AKR1C3: variants seen among roughly 807,000 people sequenced by gnomAD.
AKR1C3 encodes the protein aldo-keto reductase family 1 member C3.
A neutral mutation model predicts 43.6 loss-of-function variants in AKR1C3; 48 were observed. The ratio of observed to expected loss-of-function variants is 1.10; its 90% CI spans 0.87 to 1.40. The LOEUF is 1.40. AKR1C3 is among the 40% of genes most tolerant of loss of function. The probability of loss-of-function intolerance (pLI) is 0.00; values close to 1 mark genes in which losing one functional copy is unlikely to be tolerated. For synonymous variants in AKR1C3, 162 were observed against 139.6 expected (o/e 1.16, Z -1.13); for missense variants, 482 against 391.2 (o/e 1.23, Z -1.96).
At chr10:5,077,404 A>G (rs1283245477) in intron 1 of AKR1C3, among the ~76,000 whole-genome samples, 1 of 152,110 alleles carries the variant, frequency 6.6e-6, no homozygotes, top group Non-Finnish European at 1.5e-5. Flanking sequence ...ATAGGTTTTC[A>G]TTTCCTTCTG....
chr10:5,076,175 G>C (rs1554781828), intron 1 of AKR1C3, among the ~76,000 whole-genome samples: 1 of 152,126 alleles, frequency 6.6e-6, no homozygotes, highest in Non-Finnish European at 1.5e-5. Context: ...TAGTAGTTGT[G>C]TCCTAGGAAA....
chr10:5,083,457 T>A (rs1489685565), intron 1 of AKR1C3, among the ~76,000 whole-genome samples: 1 of 152,226 alleles, frequency 6.6e-6, no homozygotes, highest in African/African-American at 2.4e-5. Context: ...GGTGCCACAT[T>A]TTCTTAATCC....
Position 5,048,897 on chromosome 10 carries a change from T to C in AKR1C3, c.84+2T>C. Reference sequence around the variant, plus strand: ...TTTGGCACCTATGCACCTCCAGAGGTAATAATAATGTTTTTGGTGCAGAGA... The same window carrying C: ...TTTGGCACCTATGCACCTCCAGAGGCAATAATAATGTTTTTGGTGCAGAGA... On this transcript the variant is annotated splice_donor_variant, in intron 1 of 8. Transcript: ENST00000439082. LOFTEE classifies it high-confidence loss of function. 1.2e-6 allele frequency: 2 copies of C among 1,612,276 alleles called. No homozygotes were observed. Among genetic ancestry groups the C allele is most frequent in the Middle Eastern group, 1.7e-4 (1 of 6,054 alleles).
chr10:5,105,043 T>G (rs587703775), intron 7 of AKR1C3, among the ~76,000 whole-genome samples: 1 of 139,876 alleles, frequency 7.1e-6, no homozygotes, highest in African/African-American at 2.5e-5. Flanking sequence ...CCTCTTGATA[T>G]TTAAAGTCTC....
rs782219293 is a variant in AKR1C3, at chr10:5,097,460, G to T, written c.279G>T (p.Glu93Asp). 6.8e-6 allele frequency: 11 copies of T among 1,613,764 alleles called. No individual in the cohort carries two copies. Among genetic ancestry groups the T allele is most frequent in the Non-Finnish European group, 9.3e-6 (11 of 1,179,782 alleles). Residue 93 changes from glutamate to aspartate, a missense_variant, in exon 3 of 9, where the codon GAG (glutamate) becomes GAT (aspartate). Glu to Asp is a conservative substitution (Grantham distance 45). Coordinates refer to ENST00000380554, the MANE Select transcript of AKR1C3 (RefSeq NM_003739.6). Reference sequence around the variant, plus strand: ...TTTGGTCCACTTTTCATCGACCAGAGTTGGTCCGACCAGCCTTGGAAAACT... The same window carrying T: ...TTTGGTCCACTTTTCATCGACCAGATTTGGTCCGACCAGCCTTGGAAAACT... ...SKLWSTFHRPELVRPALENSL... is the reference protein window; with the variant it reads ...SKLWSTFHRPDLVRPALENSL...
At chr10:5,089,950 G>C (rs1839049806), upstream of AKR1C3, among the ~76,000 whole-genome samples, 1 of 152,158 alleles carries the variant, frequency 6.6e-6, no homozygotes, top group Non-Finnish European at 1.5e-5. Flanking sequence ...TGTGATTGTA[G>C]AGTGTCATGA....
At chr10:5,093,272 C>A (rs1417101652), upstream of AKR1C3, 1 of 152,052 alleles carries the variant, frequency 6.6e-6, no homozygotes, top group African/African-American at 2.4e-5. Flanking sequence ...GTCCATGAGA[C>A]AAGTAGGGGC....
chr10:5,066,607 A>T (rs1250538472), intron 1 of AKR1C3, among the ~76,000 whole-genome samples: 3 of 152,196 alleles, frequency 2.0e-5, no homozygotes, highest in African/African-American at 7.2e-5. Flanking sequence ...TAATACCTAG[A>T]GTTTGGAGTA....
chr10:5,070,208 G>A (rs1169488884), intron 1 of AKR1C3, among the ~76,000 whole-genome samples: 1 of 152,194 alleles, frequency 6.6e-6, no homozygotes, highest in Non-Finnish European at 1.5e-5. Flanking sequence ...GAAAGGAAAG[G>A]AGAGAAATAA....
chr10:5,050,845 C>T (rs1838138574), intron 1 of AKR1C3, among the ~76,000 whole-genome samples: 1 of 152,096 alleles, frequency 6.6e-6, no homozygotes, highest in African/African-American at 2.4e-5. Context: ...AAATATGTTT[C>T]ATAAGGTAGG....
intron 1 of AKR1C3, among the ~76,000 whole-genome samples, chr10:5,068,695 T>C (rs1254440682): frequency 6.6e-6 from 1 of 152,072 alleles, no homozygotes; most frequent in Non-Finnish European, 1.5e-5. Flanking sequence ...CAACTCCCCA[T>C]GGAGAGGGGG....
chr10:5,072,299 C>G (rs1838627390), intron 1 of AKR1C3, among the ~76,000 whole-genome samples: 1 of 152,180 alleles, frequency 6.6e-6, no homozygotes, highest in Non-Finnish European at 1.5e-5. Context: ...CAATTAGAAT[C>G]TTTAAAGCCT....
At chr10:5,095,101 C>G (rs1270097134) in intron 1 of AKR1C3, among the ~76,000 whole-genome samples, 1 of 152,028 alleles carries the variant, frequency 6.6e-6, no homozygotes, top group Non-Finnish European at 1.5e-5. Flanking sequence ...TAAGTAAAAT[C>G]TAGAACCTAA....
intron 7 of AKR1C3, among the ~76,000 whole-genome samples, 183 bp downstream of exon 7, chr10:5,102,833 G>A (rs950330137): frequency 6.6e-6 from 1 of 152,150 alleles, no homozygotes; most frequent in African/African-American, 2.4e-5. Flanking sequence ...CAGGTGCAGA[G>A]AATTAAGATG....
chr10:5,099,362 G>C lies in AKR1C3; in HGVS notation c.483G>C (p.Lys161Asn), dbSNP rs782550556. 9 of 1,614,058 alleles carry C rather than the reference G, an allele frequency of 5.6e-6. No individual in the cohort carries two copies. The highest frequency in any genetic ancestry group is 2.2e-5 in the East Asian group (1 of 44,886). The change falls in exon 5 of 9, where the codon AAG becomes AAC. Residue 161 changes from lysine to asparagine, a missense_variant. Physicochemically the swap from Lys to Asn is moderately conservative, Grantham distance 94. Transcript: ENST00000380554. ...MEKCKDAGLA[K>N]SIGVSNFNRR... ...AGTGTAAGGATGCAGGATTGGCCAAGTCCATTGGGGTGTCAAACTTCAACC... is the reference window on the plus strand; with the variant it reads ...AGTGTAAGGATGCAGGATTGGCCAACTCCATTGGGGTGTCAAACTTCAACC...
In AKR1C3 at chr10:5,094,478, G is replaced by T. The variant is rs782394641; in HGVS notation, c.34G>T (p.Asp12Tyr). Residue 12 changes from aspartate (D) to tyrosine (Y), a missense_variant, in exon 1 of 9, where the codon GAT becomes TAT. By Grantham distance (160) the Asp-to-Tyr change is radical. Transcript: ENST00000380554. ...CAAACACCAGTGTGTAAAGCTAAAT[G>T]ATGGCCACTTCATGCCTGTATTGGG... Reference protein sequence around the residue: ...DSKHQCVKLNDGHFMPVLGFG... With the variant: ...DSKHQCVKLNYGHFMPVLGFG... The T allele has an allele frequency of 2.5e-6, 4 of 1,612,636 alleles. No homozygotes were observed. Among genetic ancestry groups the T allele is most frequent in the African/African-American group, 1.3e-5 (1 of 74,840 alleles).
In AKR1C3 at chr10:5,102,140, G is replaced by T. The variant is rs781996249; in HGVS notation, c.610G>T (p.Asp204Tyr). 6.2e-7 allele frequency: 1 copy of T among 1,614,072 alleles called. No homozygotes were observed. The highest frequency in any genetic ancestry group is 1.1e-5 in the South Asian group (1 of 91,072). The change falls in exon 6 of 9, where the codon GAT (aspartate) becomes TAT (tyrosine). Residue 204 changes from aspartate to tyrosine, a missense_variant. Asp to Tyr is a radical substitution (Grantham distance 160). Transcript: ENST00000380554. ...HPYFNRSKLL[D>Y]FCKSKDIVLV... Reference sequence around the variant, plus strand: ...GTATTTCAACCGGAGTAAATTGCTAGATTTCTGCAAGTCGAAAGATATTGT... The same window carrying T: ...GTATTTCAACCGGAGTAAATTGCTATATTTCTGCAAGTCGAAAGATATTGT...
chr10:5,066,191 G>A (rs1331550316), intron 1 of AKR1C3, among the ~76,000 whole-genome samples: 2 of 152,200 alleles, frequency 1.3e-5, no homozygotes, highest in Non-Finnish European at 2.9e-5. Flanking sequence ...TTTGCTTGTG[G>A]TGTGTTCTAG....
intron 1 of AKR1C3, among the ~76,000 whole-genome samples, chr10:5,082,920 C>T (rs1378676647): frequency 6.6e-6 from 1 of 151,912 alleles, no homozygotes; most frequent in Non-Finnish European, 1.5e-5. Context: ...CTCTCTGGTC[C>T]CACGCTATTT....
Sources: gnomAD v4.1 joint callset for allele counts (sites outside exome capture counted in the v4.1 genomes callset) on GRCh38, gnomAD v4.1.1 for gene constraint, MANE v1.5 for transcripts, NCBI Gene and HGNC (gene_info 2026-07-23, HGNC 2026-07-21) for gene names.